Variants in SWAP70 observed in about 807,000 individuals in gnomAD.
SWAP70 encodes the protein switching B cell complex subunit SWAP70.
Under a neutral mutation model 80.2 loss-of-function variants are expected in SWAP70, and 34 were observed. The observed-to-expected ratio is 0.42, with a 90% confidence interval of 0.32 to 0.56. The LOEUF (loss-of-function observed/expected upper bound fraction) is 0.56, where lower values mean the gene tolerates loss of function less well. Among genes scored for constraint, SWAP70 ranks in the 20% least tolerant of loss-of-function variants. SWAP70 has a pLI of 0.09. For missense variants in SWAP70, 578 were observed against 690.7 expected (o/e 0.84, Z 1.83); for synonymous variants, 239 against 238.5 (o/e 1.00, Z -0.02).
intron 9 of SWAP70, chr11:9,741,327 T>C (rs1363169922): frequency 6.6e-6 from 1 of 152,234 alleles, no homozygotes; most frequent in Non-Finnish European, 1.5e-5. Context: ...AAAAATTATT[T>C]TCTAAATAGA....
intron 1 of SWAP70, among the ~76,000 whole-genome samples, chr11:9,673,049 G>A (rs776252116): frequency 2.6e-5 from 4 of 152,086 alleles, no homozygotes; most frequent in Non-Finnish European, 4.4e-5. Context: ...GTTCTGCAGT[G>A]GACACCAGCT....
intron 9 of SWAP70, among the ~76,000 whole-genome samples, chr11:9,746,787 T>G (rs1394481770): frequency 6.6e-6 from 1 of 152,220 alleles, no homozygotes; most frequent in Non-Finnish European, 1.5e-5. Context: ...AAGCTGCCCA[T>G]AAATAAACTG....
intron 8 of SWAP70, among the ~76,000 whole-genome samples, chr11:9,739,743 C>A (rs1851411203): frequency 6.6e-6 from 1 of 152,126 alleles, no homozygotes; most frequent in African/African-American, 2.4e-5. Flanking sequence ...ATGACCTTTC[C>A]TTCTTCTTTA....
chr11:9,693,225 A>G (rs1344921874), intron 1 of SWAP70, among the ~76,000 whole-genome samples: 1 of 152,218 alleles, frequency 6.6e-6, no homozygotes, highest in East Asian at 1.9e-4. Flanking sequence ...AGCCTTAGCT[A>G]TGTAATTTGA....
intron 1 of SWAP70, among the ~76,000 whole-genome samples, chr11:9,671,629 TATATAA>T (rs1309699249): frequency 8.5e-5 from 8 of 94,558 alleles, no homozygotes; most frequent in Non-Finnish European, 1.6e-4. Context: ...TCTATATAAA[TATATAA>T]ATATTTCTAT....
chr11:9,674,831 T>A (rs549918759), intron 1 of SWAP70, among the ~76,000 whole-genome samples: 9 of 151,852 alleles, frequency 5.9e-5, no homozygotes, highest in Non-Finnish European at 1.0e-4. Flanking sequence ...TAGCTGGGCG[T>A]GGTGGCGGGC....
In SWAP70 at chr11:9,752,742, A is replaced by G. The variant is rs1210144605; in HGVS notation, c.*2772A>G. On this transcript the variant is annotated 3_prime_UTR_variant, in exon 12 of 12. Transcript: ENST00000318950. ...ATCATTTACAGGAATTATATATGAA[A>G]AAAGTTTTTGAAATGTATTTTTGTG... 2 of 152,224 alleles carry G rather than the reference A, an allele frequency of 1.3e-5. No individual in the cohort carries two copies. The highest frequency in any genetic ancestry group is 6.5e-5 in the Admixed American group (1 of 15,282). 9.4% of individuals were successfully genotyped at this position (152,224 alleles called of 1,614,324 possible). A position where few individuals can be genotyped will look rare whatever the true frequency, so the allele number is the denominator to read the frequency against.
At chr11:9,707,228 CTGTA>C (rs978648022) in intron 2 of SWAP70, among the ~76,000 whole-genome samples, 3 of 152,280 alleles carry the variant, frequency 2.0e-5, no homozygotes, top group African/African-American at 7.2e-5. Flanking sequence ...GTATTTTTAA[CTGTA>C]TGCACATTAT....
intron 2 of SWAP70, among the ~76,000 whole-genome samples, chr11:9,697,711 A>G (rs1850776156): frequency 6.6e-6 from 1 of 152,190 alleles, no homozygotes. Flanking sequence ...GCCTCACAAT[A>G]CAAGTTCCTG....
rs1266289543 is a variant in SWAP70 at position 9,671,371 on chromosome 11, TA to T, written c.99+7098del. ...ATATAAATATATAAATAAAATAAAATAAAAATAAAAATATATAAATATATAT... is the reference window on the plus strand; with the variant it reads ...ATATAAATATATAAATAAAATAAAATAAAATAAAAATATATAAATATATAT... On this transcript the variant is annotated intron_variant, in intron 1 of 11. Coordinates refer to ENST00000318950, the MANE Select transcript of SWAP70 (RefSeq NM_015055.4). Among the ~76,000 whole-genome samples, 22 of 107,412 alleles carry T rather than the reference TA, an allele frequency of 2.0e-4. No individual in the cohort carries two copies. The East Asian group carries it at 5.9e-3, about 29-fold the overall frequency. 70.5% of individuals were successfully genotyped at this position (107,412 alleles called of 152,430 possible). A position where few individuals can be genotyped will look rare whatever the true frequency, so the allele number is the denominator to read the frequency against.
chr11:9,694,579 A>G (rs540525939), intron 2 of SWAP70, among the ~76,000 whole-genome samples: 2 of 152,294 alleles, frequency 1.3e-5, no homozygotes, highest in South Asian at 4.1e-4. Context: ...AAAAAAATCA[A>G]GTCTAATATC....
intron 6 of SWAP70, among the ~76,000 whole-genome samples, chr11:9,731,853 T>C (rs1357178202): frequency 6.6e-6 from 1 of 152,244 alleles, no homozygotes; most frequent in Non-Finnish European, 1.5e-5. Context: ...AGGGAGACTT[T>C]CCTGTGTGTC....
chr11:9,736,264 T>C (rs1301304434), intron 7 of SWAP70, among the ~76,000 whole-genome samples: 2 of 152,128 alleles, frequency 1.3e-5, no homozygotes, highest in Non-Finnish European at 2.9e-5. Context: ...TTCCATTACT[T>C]CTCTAAGTAT....
chr11:9,676,557 CAA>C (rs1280696389), intron 1 of SWAP70, among the ~76,000 whole-genome samples: 1 of 151,526 alleles, frequency 6.6e-6, no homozygotes, highest in Admixed American at 6.6e-5. Flanking sequence ...ATACCTAATG[CAA>C]TATAAATGCT....
chr11:9,664,877 A>C (rs1008808777), intron 1 of SWAP70, among the ~76,000 whole-genome samples: 1 of 152,176 alleles, frequency 6.6e-6, no homozygotes, highest in East Asian at 1.9e-4. Context: ...GCGTCTTTTA[A>C]GTTTGGAACT....
chr11:9,674,983 A>AT (rs1850469778), intron 1 of SWAP70, among the ~76,000 whole-genome samples: 4 of 149,396 alleles, frequency 2.7e-5, no homozygotes, highest in Non-Finnish European at 5.9e-5. Flanking sequence ...AAAAAAAAAA[A>AT]ATTTTAAATT....
rs1228959900 is a variant in SWAP70 at position 9,671,478 on chromosome 11, GTATATTTATAAA to G, written c.99+7206_99+7217del. Among the ~76,000 whole-genome samples the G allele has an allele frequency of 4.0e-3, 188 of 46,844 alleles. 1 individual carries two copies. Among genetic ancestry groups the G allele is most frequent in the Middle Eastern group, 0.036 (1 of 28 alleles). 30.7% of individuals were successfully genotyped at this position (46,844 alleles called of 152,430 possible). On this transcript the variant is annotated intron_variant, in intron 1 of 11. Transcript: ENST00000318950. Reference sequence around the variant, plus strand: ...TAAATATATATATAAATATATAAAAGTATATTTATAAATATATATATAAATATATATAAATAT... The same window carrying G: ...TAAATATATATATAAATATATAAAAGTATATATATAAATATATATAAATAT...
chr11:9,712,597 C>A (rs1465229051), intron 2 of SWAP70, among the ~76,000 whole-genome samples: 1 of 152,148 alleles, frequency 6.6e-6, no homozygotes, highest in African/African-American at 2.4e-5. Flanking sequence ...CACAGTGGCT[C>A]ATGCCTATCT....
rs913643763 is a variant in SWAP70, at chr11:9,751,466, T to G, written c.*1496T>G. On this transcript the variant is annotated 3_prime_UTR_variant, in exon 12 of 12. Coordinates refer to ENST00000318950, the MANE Select transcript of SWAP70 (RefSeq NM_015055.4). Reference sequence around the variant, plus strand: ...GTAACTCCGTGGACAGCAATCAAGCTTAAAATTGTAAATAAATATGGGGAT... The same window carrying G: ...GTAACTCCGTGGACAGCAATCAAGCGTAAAATTGTAAATAAATATGGGGAT... 6.6e-6 allele frequency: 1 copy of G among 152,216 alleles called. No homozygotes were observed. The highest frequency in any genetic ancestry group is 2.4e-5 in the African/African-American group (1 of 41,460). 9.4% of individuals were successfully genotyped at this position (152,216 alleles called of 1,614,324 possible).
Sources: gnomAD v4.1 joint callset for allele counts (sites outside exome capture counted in the v4.1 genomes callset) on GRCh38, gnomAD v4.1.1 for gene constraint, MANE v1.5 for transcripts, NCBI Gene and HGNC (gene_info 2026-07-23, HGNC 2026-07-21) for gene names.